Variants in PEX14 observed in about 807,000 individuals in gnomAD.
The protein encoded by PEX14 is peroxisomal biogenesis factor 14.
In PEX14, 15 loss-of-function variants were observed where a neutral mutation model predicts 49.5. The observed-to-expected ratio is 0.30, with a 90% CI of 0.20 to 0.47. The LOEUF (loss-of-function observed/expected upper bound fraction) is 0.47. PEX14 is among the 20% of genes least tolerant of loss of function. The pLI is 1.00. For synonymous variants in PEX14, 210 were observed against 212.7 expected (o/e 0.99, Z 0.11); for missense variants, 398 against 494.8 (o/e 0.80, Z 1.86).
chr1:10,477,660 A>C (rs570401706), intron 1 of PEX14, among the ~76,000 whole-genome samples: 1 of 152,322 alleles, frequency 6.6e-6, no homozygotes, highest in African/African-American at 2.4e-5. Flanking sequence ...CCAGCTATTA[A>C]AGGTGAATAA....
At chr1:10,515,272 A>G (rs551124031) in intron 2 of PEX14, among the ~76,000 whole-genome samples, 3 of 152,294 alleles carry the variant, frequency 2.0e-5, no homozygotes, top group African/African-American at 7.2e-5. Flanking sequence ...ATGAACAGGA[A>G]GGGTTGTAGA....
At chr1:10,502,827 TTCTC>T (rs1479666940) in intron 2 of PEX14, among the ~76,000 whole-genome samples, 6 of 150,376 alleles carry the variant, frequency 4.0e-5, no homozygotes, top group African/African-American at 1.5e-4. Context: ...GACAGAGTCT[TTCTC>T]TGTCACTCAG....
chr1:10,583,378 C>T (rs1321414823), intron 3 of PEX14, among the ~76,000 whole-genome samples: 2 of 148,006 alleles, frequency 1.4e-5, no homozygotes, highest in East Asian at 2.2e-4. Flanking sequence ...CACCATTGCA[C>T]CCAGCTTTTT....
Position 10,514,174 on chromosome 1 carries a change from G to GTGTGTGTGTGTGTGTGTGTGTGTA in PEX14, c.84+18876_84+18877insATGTGTGTGTGTGTGTGTGTGTGT, listed in dbSNP as rs1641933193. Among the ~76,000 whole-genome samples, 3 of 151,472 alleles carry GTGTGTGTGTGTGTGTGTGTGTGTA rather than the reference G, an allele frequency of 2.0e-5. No homozygotes were observed. The highest frequency in any genetic ancestry group is 6.6e-5 in the Admixed American group (1 of 15,196). ...TATGCCTCTGTGTGTGTGTGTGTGTGTGTGTGTGTGTGTGTGTGTGTGTGT... is the reference window on the plus strand; with the variant it reads ...TATGCCTCTGTGTGTGTGTGTGTGTGTGTGTGTGTGTGTGTGTGTGTGTATGTGTGTGTGTGTGTGTGTGTGTGT... On this transcript the variant is annotated intron_variant, in intron 2 of 8. Coordinates refer to ENST00000356607, the MANE Select transcript of PEX14 (RefSeq NM_004565.3). The surrounding 1 kb of genome is among the most constrained non-coding windows in gnomAD (Gnocchi z 4.4).
chr1:10,520,810 G>C (rs959849423), intron 2 of PEX14, among the ~76,000 whole-genome samples: 6 of 152,150 alleles, frequency 3.9e-5, no homozygotes, highest in Non-Finnish European at 1.5e-5. Context: ...TATATCAGAG[G>C]TACTTTTCTG....
At chr1:10,571,222 T>C (rs1639968651) in intron 3 of PEX14, among the ~76,000 whole-genome samples, 3 of 152,072 alleles carry the variant, frequency 2.0e-5, no homozygotes, top group African/African-American at 7.2e-5. Context: ...AATTTTCAGC[T>C]AAGATGTGAT....
At position 10,512,526 on chromosome 1, in the gene PEX14, G is replaced by T. The variant is rs1222664933; in HGVS notation, c.84+17205G>T. Among the ~76,000 whole-genome samples the T allele has an allele frequency of 2.0e-5, 3 of 152,166 alleles. No individual in the cohort carries two copies. Among genetic ancestry groups the T allele is most frequent in the South Asian group, 2.1e-4 (1 of 4,826 alleles). ...CAGAATCCCAGCATTAACTTCAGGG[G>T]TGTTGGTTGGAAACCTGCACTGGCG... On this transcript the variant is annotated intron_variant, in intron 2 of 8. Coordinates refer to ENST00000356607, the MANE Select transcript of PEX14 (RefSeq NM_004565.3). This position sits in a 1 kb window ranked among gnomAD's most constrained non-coding sequence, Gnocchi z 4.6.
intron 1 of PEX14, among the ~76,000 whole-genome samples, chr1:10,480,200 G>GT (rs113715331): frequency 2.4e-4 from 34 of 142,454 alleles, no homozygotes; most frequent in Middle Eastern, 3.6e-3. Context: ...CCCTCTCAAT[G>GT]TTTTTTTTTT....
At chr1:10,479,186 T>G (rs907594390) in intron 1 of PEX14, among the ~76,000 whole-genome samples, 1 of 151,770 alleles carries the variant, frequency 6.6e-6, no homozygotes, top group Admixed American at 6.6e-5. Flanking sequence ...AGACCAGCCT[T>G]TGCAATATAG....
At chr1:10,577,560 A>G (rs1557854866) in intron 3 of PEX14, among the ~76,000 whole-genome samples, 2 of 4,428 alleles carry the variant, frequency 4.5e-4, no homozygotes, top group African/African-American at 1.0e-3. Flanking sequence ...ATATATATAT[A>G]TATTTTTTTT....
intron 4 of PEX14, among the ~76,000 whole-genome samples, chr1:10,609,986 T>G (rs1641232275): frequency 1.3e-5 from 2 of 150,890 alleles, no homozygotes; most frequent in African/African-American, 2.4e-5. Flanking sequence ...ATAATGGTTT[T>G]GAGATTGATT....
intron 1 of PEX14, among the ~76,000 whole-genome samples, chr1:10,492,164 AAG>A (rs1641485682): frequency 6.6e-6 from 1 of 152,216 alleles, no homozygotes; most frequent in South Asian, 2.1e-4. Flanking sequence ...TTTATGATGA[AAG>A]AGACTTATTT....
chr1:10,535,316 C>T (rs890148641), intron 2 of PEX14, among the ~76,000 whole-genome samples: 2 of 152,182 alleles, frequency 1.3e-5, no homozygotes, highest in African/African-American at 4.8e-5. Context: ...CAGCGGTGCC[C>T]CTTCCATCCC....
In PEX14 at chr1:10,499,726, T is replaced by C. The variant is rs553100058; in HGVS notation, c.84+4405T>C. Among the ~76,000 whole-genome samples the C allele has an allele frequency of 2.0e-4, 30 of 152,236 alleles. No homozygotes were observed. In the South Asian group the frequency reaches 3.5e-3, roughly 18 times the overall value. On this transcript the variant is annotated intron_variant, in intron 2 of 8. Transcript: ENST00000356607. Reference sequence around the variant, plus strand: ...CCTCCCAAAGTGCTGGGATTACAGGTGTGAGCCAACGTGCCTGGCCCCAAA... The same window carrying C: ...CCTCCCAAAGTGCTGGGATTACAGGCGTGAGCCAACGTGCCTGGCCCCAAA...
intron 4 of PEX14, chr1:10,616,949 A>G (rs1166306036): frequency 6.6e-6 from 1 of 151,844 alleles, no homozygotes; most frequent in African/African-American, 2.4e-5. Flanking sequence ...GGGGTTCTGC[A>G]CTAAGTTCTG....
At chr1:10,554,085 C>T (rs1209840657) in intron 3 of PEX14, among the ~76,000 whole-genome samples, 6 of 145,494 alleles carry the variant, frequency 4.1e-5, no homozygotes, top group Admixed American at 1.4e-4. Context: ...GTCAGGAGAT[C>T]GAGACCATCC....
chr1:10,594,730 A>G (rs933398083), intron 3 of PEX14, among the ~76,000 whole-genome samples: 9 of 151,798 alleles, frequency 5.9e-5, no homozygotes, highest in South Asian at 4.2e-4. Flanking sequence ...ATCCTGAGAA[A>G]CCCTTGCACG....
rs147385486 is a variant in PEX14 at position 10,555,911 on chromosome 1, A to G, written c.169+19614A>G. On this transcript the variant is annotated intron_variant, in intron 3 of 8. Transcript: ENST00000356607. ...ATTTGAGAGACAGGATGAGACATAC[A>G]GAGAAAGACACAAGCATTAGGGGAG... 2.2e-3 allele frequency among the ~76,000 whole-genome samples: 331 copies of G among 152,274 alleles called. 1 individual carries two copies. Among genetic ancestry groups the G allele is most frequent in the African/African-American group, 7.7e-3 (319 of 41,566 alleles).
intron 4 of PEX14, among the ~76,000 whole-genome samples, chr1:10,607,815 T>C (rs907639664): frequency 6.6e-6 from 1 of 152,214 alleles, no homozygotes; most frequent in Non-Finnish European, 1.5e-5. Context: ...TTCCTCCCAG[T>C]TGGTGGCTTG....
Sources: allele counts gnomAD v4.1 joint callset (sites outside exome capture counted in the v4.1 genomes callset), GRCh38; gene constraint gnomAD v4.1.1; non-coding constraint Gnocchi (gnomAD v3.1); transcripts MANE v1.5; gene names NCBI Gene and HGNC (gene_info 2026-07-23, HGNC 2026-07-21).